Variants in B4GALT6 observed in about 807,000 individuals in gnomAD.
B4GALT6 encodes beta-1,4-galactosyltransferase 6.
A neutral mutation model predicts 46.3 loss-of-function variants in B4GALT6; 14 were observed. That is an observed-to-expected ratio of 0.30 (90% CI 0.20 to 0.47). B4GALT6 has a LOEUF of 0.47. B4GALT6 is among the 20% of genes least tolerant of loss of function. B4GALT6 has a pLI of 0.99. For synonymous variants in B4GALT6, 168 were observed against 162.0 expected (o/e 1.04, Z -0.28); for missense variants, 386 against 480.1 (o/e 0.80, Z 1.83).
At chr18:31,704,184 T>C in the B4GALT6 span, among the ~76,000 whole-genome samples, 1 of 151,738 alleles carries the variant, frequency 6.6e-6, no homozygotes, top group Non-Finnish European at 1.5e-5. Context: ...TATAATTGGT[T>C]AGGCAAAACC....
At chr18:31,700,721 G>A in the B4GALT6 span, among the ~76,000 whole-genome samples, 3 of 152,100 alleles carry the variant, frequency 2.0e-5, no homozygotes, top group Middle Eastern at 3.2e-3. Context: ...CTCCCAAAGT[G>A]CTGGGATTGC....
chr18:31,646,850 GA>G (rs2073996907), intron 3 of B4GALT6, among the ~76,000 whole-genome samples: 1 of 152,210 alleles, frequency 6.6e-6, no homozygotes, highest in Non-Finnish European at 1.5e-5. Context: ...CTGCTTCCCA[GA>G]ATAAGTTAGA....
At chr18:31,632,350 A>G (rs2073801855) in intron 5 of B4GALT6, among the ~76,000 whole-genome samples, 1 of 152,226 alleles carries the variant, frequency 6.6e-6, no homozygotes, top group African/African-American at 2.4e-5. Context: ...CATCAACATC[A>G]GCTTTAACAA....
chr18:31,635,855 A>C (rs1394991999), intron 5 of B4GALT6, among the ~76,000 whole-genome samples: 2 of 152,194 alleles, frequency 1.3e-5, no homozygotes, highest in African/African-American at 4.8e-5. Flanking sequence ...ACCAAAAGAG[A>C]GAAGATAAAA....
chr18:31,700,555 C>T, the B4GALT6 span, among the ~76,000 whole-genome samples: 3 of 151,926 alleles, frequency 2.0e-5, no homozygotes, highest in Admixed American at 6.6e-5. Context: ...CTCCCAGGTT[C>T]GCGCCATTCT....
At position 31,624,761 on chromosome 18, in the gene B4GALT6, T is replaced by C. The variant is rs1328668703; in HGVS notation, c.*853A>G. The C allele has an allele frequency of 6.6e-6, 1 of 152,482 alleles. No homozygotes were observed. The highest frequency in any genetic ancestry group is 6.5e-5 in the Admixed American group (1 of 15,272). 9.4% of individuals were successfully genotyped at this position (152,482 alleles called of 1,614,324 possible). On this transcript the variant is annotated 3_prime_UTR_variant, in exon 9 of 9. Coordinates refer to ENST00000306851, the MANE Select transcript of B4GALT6 (RefSeq NM_004775.5). The stretch of plus-strand genomic sequence containing the variant: ...AAACACACAACCTTGGAAACATTTT[T>C]TGAGGCACAAAATCCCTGACACACC...
rs930865229 is a variant in B4GALT6 at position 31,662,974 on chromosome 18, A to G, written c.232+3282T>C. Reference sequence around the variant, plus strand: ...TTAAAAGGTTATGTATGACAGATGCATTTGGGAACCACCACAACTGCTATA... The same window carrying G: ...TTAAAAGGTTATGTATGACAGATGCGTTTGGGAACCACCACAACTGCTATA... On this transcript the variant is annotated intron_variant, in intron 2 of 8. Coordinates refer to ENST00000306851, the MANE Select transcript of B4GALT6 (RefSeq NM_004775.5). Among the ~76,000 whole-genome samples, 9 of 152,264 alleles carry G rather than the reference A, an allele frequency of 5.9e-5. No homozygotes were observed. In the South Asian group the frequency reaches 1.4e-3, roughly 25 times the overall value.
At chr18:31,699,324 G>A in the B4GALT6 span, among the ~76,000 whole-genome samples, 5 of 148,704 alleles carry the variant, frequency 3.4e-5, no homozygotes, top group Admixed American at 1.4e-4. Flanking sequence ...CCAGGCTGGA[G>A]TGCAATGGTA....
chr18:31,645,859 G>A (rs1450451982), intron 3 of B4GALT6, among the ~76,000 whole-genome samples: 1 of 151,786 alleles, frequency 6.6e-6, no homozygotes, highest in African/African-American at 2.4e-5. Flanking sequence ...TTCAACACAG[G>A]GGACACAATG....
chr18:31,626,853 A>G (rs982540003), intron 7 of B4GALT6, 146 bp downstream of exon 7: 34 of 657,224 alleles, frequency 5.2e-5, no homozygotes, highest in Non-Finnish European at 7.6e-5. Context: ...TAATGAAAAA[A>G]AAAGAGAAAT....
intron 8 of B4GALT6, 75 bp from the exon 9 acceptor site, chr18:31,625,836 A>G (rs966422877): frequency 4.4e-5 from 56 of 1,269,178 alleles, no homozygotes; most frequent in Non-Finnish European, 5.9e-5. Context: ...ACTGTGTTCA[A>G]GGTCATCTTA....
At chr18:31,665,863 AT>A (rs892787457) in intron 2 of B4GALT6, among the ~76,000 whole-genome samples, 4 of 152,220 alleles carry the variant, frequency 2.6e-5, no homozygotes, top group African/African-American at 9.7e-5. Context: ...AAAAACAACT[AT>A]TTTCTAGACC....
chr18:31,714,643 C>T, the B4GALT6 span, among the ~76,000 whole-genome samples: 17 of 152,332 alleles, frequency 1.1e-4, no homozygotes, highest in South Asian at 1.9e-3. Context: ...CATTCAACTA[C>T]AGTAAAGCGC....
chr18:31,642,672 G>C lies in B4GALT6; in HGVS notation c.471+2683C>G, dbSNP rs139091695. On this transcript the variant is annotated intron_variant, in intron 4 of 8. Coordinates refer to ENST00000306851, the MANE Select transcript of B4GALT6 (RefSeq NM_004775.5). Reference sequence around the variant, plus strand: ...TTCTACTTAAACCTGCAGCATTCAAGAATACCTAGGAATTGCTGAAATTAC... The same window carrying C: ...TTCTACTTAAACCTGCAGCATTCAACAATACCTAGGAATTGCTGAAATTAC... Among the ~76,000 whole-genome samples the C allele has an allele frequency of 3.0e-4, 46 of 152,322 alleles. No individual in the cohort carries two copies. The East Asian group carries it at 3.9e-3, about 13-fold the overall frequency.
intron 1 of B4GALT6, among the ~76,000 whole-genome samples, chr18:31,676,730 G>C (rs953809906): frequency 1.3e-5 from 2 of 152,142 alleles, no homozygotes; most frequent in African/African-American, 4.8e-5. Context: ...AAAGTATGTA[G>C]CACTATTTTT....
chr18:31,693,686 G>T, the B4GALT6 span, among the ~76,000 whole-genome samples: 29 of 152,190 alleles, frequency 1.9e-4, no homozygotes, highest in Non-Finnish European at 3.8e-4. Context: ...GTAAAGGGCT[G>T]GCTGGGTACA....
intron 3 of B4GALT6, among the ~76,000 whole-genome samples, chr18:31,647,522 C>T (rs2074005786): frequency 6.6e-6 from 1 of 152,142 alleles, no homozygotes; most frequent in Non-Finnish European, 1.5e-5. Flanking sequence ...TTCCTATGTG[C>T]TTGTTGCCCT....
rs566460355 is a variant in B4GALT6, at chr18:31,677,937, T to C, written c.115+6375A>G. On this transcript the variant is annotated intron_variant, in intron 1 of 8. Coordinates refer to ENST00000306851, the MANE Select transcript of B4GALT6 (RefSeq NM_004775.5). The stretch of plus-strand genomic sequence containing the variant: ...ATGGCGACCTAGGAAACCCAAGCTC[T>C]AGAAAAATCACTCCTCACACATGTC... Among the ~76,000 whole-genome samples the C allele has an allele frequency of 1.3e-4, 20 of 152,258 alleles. No individual in the cohort carries two copies. The South Asian group carries it at 3.9e-3, about 30-fold the overall frequency.
chr18:31,707,417 G>A, the B4GALT6 span, among the ~76,000 whole-genome samples: 7 of 151,676 alleles, frequency 4.6e-5, no homozygotes, highest in Non-Finnish European at 8.8e-5. Flanking sequence ...CTTTCTCTTA[G>A]GAAAGCTAGT....
Sources: gnomAD v4.1 joint callset for allele counts (sites outside exome capture counted in the v4.1 genomes callset) on GRCh38, gnomAD v4.1.1 for gene constraint, MANE v1.5 for transcripts, NCBI Gene and HGNC (gene_info 2026-07-23, HGNC 2026-07-21) for gene names.